Variants in CPEB4 observed in about 807,000 individuals in gnomAD.
CPEB4 encodes the protein cytoplasmic polyadenylation element binding protein 4.
In CPEB4, 12 loss-of-function variants were observed where a neutral mutation model predicts 72.5. The observed-to-expected ratio is 0.17, with a 90% confidence interval of 0.11 to 0.27. CPEB4 has a LOEUF of 0.27. CPEB4 is among the 10% of genes least tolerant of loss of function. CPEB4 has a pLI of 1.00. For synonymous variants in CPEB4, 302 were observed against 326.3 expected (o/e 0.93, Z 0.80); for missense variants, 614 against 908.5 (o/e 0.68, Z 4.17).
intron 3 of CPEB4, among the ~76,000 whole-genome samples, chr5:173,936,316 A>C (rs985939328): frequency 6.6e-6 from 1 of 152,190 alleles, no homozygotes; most frequent in Non-Finnish European, 1.5e-5. Flanking sequence ...GTGTTGCCAC[A>C]TGGTTTTCCA....
intron 1 of CPEB4, among the ~76,000 whole-genome samples, chr5:173,909,426 C>T (rs1012151869): frequency 3.9e-5 from 6 of 152,134 alleles, no homozygotes; most frequent in Non-Finnish European, 7.3e-5. Context: ...TATTGCTATT[C>T]TCATCCTTCT....
intron 9 of CPEB4, among the ~76,000 whole-genome samples, chr5:173,954,684 T>G (rs187711599): frequency 4.6e-5 from 7 of 152,172 alleles, no homozygotes; most frequent in Admixed American, 2.6e-4. Flanking sequence ...GCCTACTTGG[T>G]TTTTTATGCA....
intron 4 of CPEB4, among the ~76,000 whole-genome samples, chr5:173,944,461 C>T (rs145413680): frequency 6.2e-4 from 78 of 125,982 alleles, no homozygotes; most frequent in African/African-American, 2.1e-3. Flanking sequence ...GGTAAAAGAG[C>T]GAGACACTGT....
At chr5:173,930,915 T>TG (rs1276999313) in intron 2 of CPEB4, among the ~76,000 whole-genome samples, 1 of 145,956 alleles carries the variant, frequency 6.9e-6, no homozygotes, top group African/African-American at 2.6e-5. Flanking sequence ...GGCGTGAACC[T>TG]GGGAGACGGA....
Position 173,889,917 on chromosome 5 carries a change from T to C in CPEB4, c.184T>C (p.Phe62Leu). The change falls in exon 1 of 10, where the codon TTT (phenylalanine) becomes CTT (leucine). Residue 62 changes from phenylalanine to leucine, a missense_variant. Around this residue, in one of 5 missense-constraint regions of CPEB4, gnomAD observed 458 missense variants for 548.6 expected, o/e 0.83. Coordinates refer to ENST00000265085, the MANE Select transcript of CPEB4 (RefSeq NM_030627.4). ...NGSSAGSAWL[F>L]PAPATHNIQD... ...CAGCAGTGCTGGGTCAGCTTGGCTT[T>C]TTCCTGCTCCAGCTACCCATAACAT... The C allele has an allele frequency of 2.5e-6, 4 of 1,614,174 alleles. No homozygotes were observed. Among genetic ancestry groups the C allele is most frequent in the Non-Finnish European group, 3.4e-6 (4 of 1,180,018 alleles).
intron 5 of CPEB4, among the ~76,000 whole-genome samples, chr5:173,948,532 G>A (rs545693368): frequency 6.6e-6 from 1 of 152,220 alleles, no homozygotes; most frequent in South Asian, 2.1e-4. Flanking sequence ...GGTAGGAAAG[G>A]ATGGCATTGC....
intron 8 of CPEB4, among the ~76,000 whole-genome samples, chr5:173,952,871 A>G (rs965409712): frequency 3.3e-5 from 5 of 152,224 alleles, no homozygotes; most frequent in African/African-American, 1.2e-4. Flanking sequence ...TTGTGAGAAG[A>G]ATAAAGAGAA....
rs1229024047 is a variant in CPEB4, at chr5:173,900,935, A to G, written c.1126-9588A>G. 6.6e-6 allele frequency among the ~76,000 whole-genome samples: 1 copy of G among 152,186 alleles called. No homozygotes were observed. Among genetic ancestry groups the G allele is most frequent in the Non-Finnish European group, 1.5e-5 (1 of 68,022 alleles). On this transcript the variant is annotated intron_variant, in intron 1 of 9. Transcript: ENST00000265085. This position sits in a 1 kb window ranked among gnomAD's most constrained non-coding sequence, Gnocchi z 4.4. Reference sequence around the variant, plus strand: ...AAGGTTCAATGATATTGCAGCATCAAGATCACTTGCTTAGTATGTTTGATA... The same window carrying G: ...AAGGTTCAATGATATTGCAGCATCAGGATCACTTGCTTAGTATGTTTGATA...
chr5:173,956,284 A>ATT lies in CPEB4; in HGVS notation c.*148_*149insTT. 1.6e-6 allele frequency: 1 copy of ATT among 606,978 alleles called. No homozygotes were observed. Among genetic ancestry groups the ATT allele is most frequent in the Non-Finnish European group, 2.9e-6 (1 of 345,746 alleles). The allele number at this position is 606,978 out of a possible 1,614,324, so 37.6% of individuals were successfully genotyped here. ...AGTATAATGAAAAGAATGACCTATA[A>ATT]TATAGGTGTTTTGTAGATTCTTGTG... On this transcript the variant is annotated 3_prime_UTR_variant, in exon 10 of 10. Coordinates refer to ENST00000265085, the MANE Select transcript of CPEB4 (RefSeq NM_030627.4).
At chr5:173,905,312 T>C (rs1035292987) in intron 1 of CPEB4, among the ~76,000 whole-genome samples, 1 of 152,104 alleles carries the variant, frequency 6.6e-6, no homozygotes, top group African/African-American at 2.4e-5. Flanking sequence ...TTTTATGTTT[T>C]ATGTAGCATA....
intron 3 of CPEB4, among the ~76,000 whole-genome samples, chr5:173,936,038 T>C (rs1757609656): frequency 6.6e-6 from 1 of 152,216 alleles, no homozygotes; most frequent in Admixed American, 6.5e-5. Context: ...AATTTTTCAA[T>C]TTATTGCTGT....
chr5:173,905,025 G>C (rs1461659765), intron 1 of CPEB4, among the ~76,000 whole-genome samples: 23 of 145,352 alleles, frequency 1.6e-4, no homozygotes, highest in Admixed American at 1.2e-3. Flanking sequence ...ATAAAAAAAT[G>C]TAACTTAGAA....
chr5:173,944,582 G>A (rs1757953215), intron 4 of CPEB4, among the ~76,000 whole-genome samples: 2 of 151,922 alleles, frequency 1.3e-5, no homozygotes, highest in Admixed American at 1.3e-4. Context: ...GTGATTCAAT[G>A]TCTTACAGCC....
rs181206135 is a variant in CPEB4, at chr5:173,909,856, C to T, written c.1126-667C>T. ...TCTACTAAAAATACAGAAAATTAGC[C>T]GGGTTTGGTGGCGGGTGCCTGTAAT... On this transcript the variant is annotated intron_variant, in intron 1 of 9. Coordinates refer to ENST00000265085, the MANE Select transcript of CPEB4 (RefSeq NM_030627.4). Among the ~76,000 whole-genome samples, 162 of 151,708 alleles carry T rather than the reference C, an allele frequency of 1.1e-3. 2 individuals carry two copies. The highest frequency in any genetic ancestry group is 1.4e-3 in the East Asian group (7 of 5,162).
At chr5:173,928,101 T>A (rs957333608) in intron 2 of CPEB4, among the ~76,000 whole-genome samples, 1 of 152,102 alleles carries the variant, frequency 6.6e-6, no homozygotes, top group Admixed American at 6.5e-5. Flanking sequence ...AAAAGGCAAG[T>A]CTGTGAGACA....
Position 173,960,622 on chromosome 5 carries a change from T to C in CPEB4, c.*4485T>C, listed in dbSNP as rs1758519519. The C allele has an allele frequency of 6.6e-6, 1 of 152,192 alleles. No homozygotes were observed. The highest frequency in any genetic ancestry group is 2.4e-5 in the African/African-American group (1 of 41,446). The allele number at this position is 152,192 out of a possible 1,614,324, so 9.4% of individuals were successfully genotyped here. Reference sequence around the variant, plus strand: ...CAGGATCTAAGCATTCAGTTATCAGTTGAAGGCCAAATGCCCAACAAAAGT... The same window carrying C: ...CAGGATCTAAGCATTCAGTTATCAGCTGAAGGCCAAATGCCCAACAAAAGT... On this transcript the variant is annotated 3_prime_UTR_variant, in exon 10 of 10. Transcript: ENST00000265085.
At chr5:173,910,132 C>G (rs4868335) in intron 1 of CPEB4, among the ~76,000 whole-genome samples, 8,617 of 151,796 alleles carry the variant, frequency 0.057, 371 homozygotes, top group Non-Finnish European at 0.082. Context: ...CATACAGGTA[C>G]CAGTCTAGCA....
In CPEB4 at chr5:173,888,880, C is replaced by T. The variant is rs573100851; in HGVS notation, c.-854C>T. 328 of 232,922 alleles carry T rather than the reference C, an allele frequency of 1.4e-3. 3 individuals are homozygous for T. In the South Asian group the frequency reaches 0.025, roughly 18 times the overall value. 14.4% of individuals were successfully genotyped at this position (232,922 alleles called of 1,614,324 possible). A position where few individuals can be genotyped will look rare whatever the true frequency, so the allele number is the denominator to read the frequency against. Reference sequence around the variant, plus strand: ...CTCACCCTCGTCGAGTCTCGCTAATCCCTCCTGATCGCGACCCCCGCAAGA... The same window carrying T: ...CTCACCCTCGTCGAGTCTCGCTAATTCCTCCTGATCGCGACCCCCGCAAGA... On this transcript the variant is annotated 5_prime_UTR_variant, in exon 1 of 10. Coordinates refer to ENST00000265085, the MANE Select transcript of CPEB4 (RefSeq NM_030627.4). The surrounding 1 kb of genome is among the most constrained non-coding windows in gnomAD (Gnocchi z 4.3).
At chr5:173,946,751 G>A (rs888782981) in intron 5 of CPEB4, among the ~76,000 whole-genome samples, 2 of 152,082 alleles carry the variant, frequency 1.3e-5, no homozygotes, top group Non-Finnish European at 2.9e-5. Context: ...GATGAAGTTT[G>A]TAATTCTTTC....
Sources: gnomAD v4.1 joint callset for allele counts (sites outside exome capture counted in the v4.1 genomes callset) on GRCh38, gnomAD v4.1.1 for gene constraint, gnomAD v4.1.1 regional missense constraint, Gnocchi (gnomAD v3.1) non-coding constraint, MANE v1.5 for transcripts, NCBI Gene and HGNC (gene_info 2026-07-23, HGNC 2026-07-21) for gene names.